The following MRPL42 variants were observed in gnomAD, a reference collection of about 807,000 sequenced individuals.
MRPL42 encodes mitochondrial ribosomal protein L42, also known as large ribosomal subunit protein mL42.
A neutral mutation model predicts 17.9 loss-of-function variants in MRPL42; 17 were observed. That is an observed-to-expected ratio of 0.95 (90% CI 0.65 to 1.42). The LOEUF is 1.42. MRPL42 is among the 40% of genes most tolerant of loss of function. The pLI is 0.00. For synonymous variants in MRPL42, 59 were observed against 54.4 expected (o/e 1.08, Z -0.37); for missense variants, 177 against 175.2 (o/e 1.01, Z -0.06).
chr12:93,506,758 G>A lies in MRPL42; in HGVS notation c.*5537G>A, dbSNP rs1208253583. On this transcript the variant is annotated 3_prime_UTR_variant, in exon 6 of 6. Transcript: ENST00000549982. ...GTCTCTTCTTCACTCATAATGCAAAGTACATTGGATTACTATTATGCCACT... is the reference window on the plus strand; with the variant it reads ...GTCTCTTCTTCACTCATAATGCAAAATACATTGGATTACTATTATGCCACT... 2 of 152,080 alleles carry A rather than the reference G, an allele frequency of 1.3e-5. 1 individual carries two copies. Among genetic ancestry groups the A allele is most frequent in the South Asian group, 4.1e-4 (2 of 4,820 alleles). The allele number at this position is 152,080 out of a possible 1,614,324, so 9.4% of individuals were successfully genotyped here. A position where few individuals can be genotyped will look rare whatever the true frequency, so the allele number is the denominator to read the frequency against.
Position 93,510,488 on chromosome 12 carries a change from T to G in MRPL42, c.*9267T>G, listed in dbSNP as rs1953715995. On this transcript the variant is annotated 3_prime_UTR_variant, in exon 6 of 6. Coordinates refer to ENST00000549982, the MANE Select transcript of MRPL42 (RefSeq NM_014050.4). ...AGAGCACAATTGTTGGATTGAATGC[T>G]AAGAGAATGTTTCGTTTTGTAAAAA... 6.6e-6 allele frequency: 1 copy of G among 152,230 alleles called. No individual in the cohort carries two copies. The highest frequency in any genetic ancestry group is 2.4e-5 in the African/African-American group (1 of 41,462). The allele number at this position is 152,230 out of a possible 1,614,324, so 9.4% of individuals were successfully genotyped here.
At chr12:93,473,918 C>T (rs1880031698) in intron 2 of MRPL42, among the ~76,000 whole-genome samples, 1 of 152,186 alleles carries the variant, frequency 6.6e-6, no homozygotes, top group Middle Eastern at 3.4e-3. Context: ...AGAGGCAGTT[C>T]GGCAATCACT....
chr12:93,471,196 A>G lies in MRPL42; in HGVS notation c.70+1841A>G, dbSNP rs150867900. Among the ~76,000 whole-genome samples, 305 of 152,116 alleles carry G rather than the reference A, an allele frequency of 2.0e-3. 4 individuals are homozygous for G. The highest frequency in any genetic ancestry group is 4.4e-3 in the Admixed American group (67 of 15,272). On this transcript the variant is annotated intron_variant, in intron 2 of 5. Coordinates refer to ENST00000549982, the MANE Select transcript of MRPL42 (RefSeq NM_014050.4). The stretch of plus-strand genomic sequence containing the variant: ...ATTTTATTTTATTTTTTGAGACTGG[A>G]TCTTGCTCCCAGGCTGGAGTGCAGA...
At chr12:93,495,421 A>T (rs1478156669) in intron 5 of MRPL42, among the ~76,000 whole-genome samples, 1 of 151,944 alleles carries the variant, frequency 6.6e-6, no homozygotes, top group Non-Finnish European at 1.5e-5. Flanking sequence ...TTTTTTGGAG[A>T]GATAGGGTTT....
rs1014120956 is a variant in MRPL42 at position 93,482,225 on chromosome 12, A to G, written c.219+2753A>G. On this transcript the variant is annotated intron_variant, in intron 4 of 5. Transcript: ENST00000549982. ...ACTTCATAGTTTACTCTCTTTCCTT[A>G]AGGTCTTTTTCCTTATTTGTTATCT... Among the ~76,000 whole-genome samples, 6 of 151,960 alleles carry G rather than the reference A, an allele frequency of 3.9e-5. 1 individual carries two copies. The highest frequency in any genetic ancestry group is 1.3e-4 in the Admixed American group (2 of 15,244).
chr12:93,493,951 T>C (rs1302705756), intron 5 of MRPL42, among the ~76,000 whole-genome samples: 1 of 69,556 alleles, frequency 1.4e-5, no homozygotes. Context: ...CTGAAGGAAG[T>C]AAGAGAGCTA....
intron 4 of MRPL42, among the ~76,000 whole-genome samples, chr12:93,480,245 C>T (rs978244525): frequency 1.3e-4 from 19 of 151,982 alleles, no homozygotes; most frequent in Admixed American, 1.0e-3. Flanking sequence ...CTCAGCCTCC[C>T]GAGTACCTGG....
Position 93,503,071 on chromosome 12 carries a change from T to G in MRPL42, c.*1850T>G, listed in dbSNP as rs564948838. 1 of 152,242 alleles carries G rather than the reference T, an allele frequency of 6.6e-6. No homozygotes were observed. The highest frequency in any genetic ancestry group is 1.5e-5 in the Non-Finnish European group (1 of 68,046). 9.4% of individuals were successfully genotyped at this position (152,242 alleles called of 1,614,324 possible). A position where few individuals can be genotyped will look rare whatever the true frequency, so the allele number is the denominator to read the frequency against. ...CTGTTATCCACCATCAGTAACATTTTATGAAAGATCTACTTATTTGTCTGT... is the reference window on the plus strand; with the variant it reads ...CTGTTATCCACCATCAGTAACATTTGATGAAAGATCTACTTATTTGTCTGT... On this transcript the variant is annotated 3_prime_UTR_variant, in exon 6 of 6. Coordinates refer to ENST00000549982, the MANE Select transcript of MRPL42 (RefSeq NM_014050.4).
chr12:93,470,939 C>A (rs1383199282), intron 2 of MRPL42, among the ~76,000 whole-genome samples: 1 of 152,188 alleles, frequency 6.6e-6, no homozygotes, highest in African/African-American at 2.4e-5. Flanking sequence ...TTTTTAAATA[C>A]AACTCTGCTT....
rs1953688786 is a variant in MRPL42 at position 93,507,996 on chromosome 12, G to C, written c.*6775G>C. On this transcript the variant is annotated 3_prime_UTR_variant, in exon 6 of 6. Coordinates refer to ENST00000549982, the MANE Select transcript of MRPL42 (RefSeq NM_014050.4). ...AGTTTCGCCCTTGTTGCCCAGGCTG[G>C]AGTGCAATGGCGCAATCTCAGCCCA... 6.5e-6 allele frequency: 1 copy of C among 152,728 alleles called. No individual in the cohort carries two copies. The highest frequency in any genetic ancestry group is 1.5e-5 in the Non-Finnish European group (1 of 68,470). 9.5% of individuals were successfully genotyped at this position (152,728 alleles called of 1,614,324 possible). A position where few individuals can be genotyped will look rare whatever the true frequency, so the allele number is the denominator to read the frequency against.
At chr12:93,480,246 G>T (rs928273033) in intron 4 of MRPL42, among the ~76,000 whole-genome samples, 46 of 149,058 alleles carry the variant, frequency 3.1e-4, no homozygotes, top group African/African-American at 1.1e-3. Flanking sequence ...TCAGCCTCCC[G>T]AGTACCTGGG....
rs1953622720 is a variant in MRPL42, at chr12:93,503,368, A to G, written c.*2147A>G. The G allele has an allele frequency of 2.1e-5, 3 of 143,678 alleles. No homozygotes were observed. The highest frequency in any genetic ancestry group is 1.5e-4 in the Admixed American group (2 of 13,712). 8.9% of individuals were successfully genotyped at this position (143,678 alleles called of 1,614,324 possible). A position where few individuals can be genotyped will look rare whatever the true frequency, so the allele number is the denominator to read the frequency against. On this transcript the variant is annotated 3_prime_UTR_variant, in exon 6 of 6. Transcript: ENST00000549982. ...AGTGCTGGAATATTCTGAGTAGACC[A>G]ATAGCAAAAACTGATTTTTTTTTTT...
chr12:93,491,416 A>G (rs1393587302), intron 5 of MRPL42, among the ~76,000 whole-genome samples: 2 of 152,108 alleles, frequency 1.3e-5, no homozygotes, highest in Non-Finnish European at 2.9e-5. Context: ...TCAGTTAAGT[A>G]TCTGTAGAAA....
At chr12:93,500,122 A>G (rs982533715) in intron 5 of MRPL42, among the ~76,000 whole-genome samples, 3 of 152,172 alleles carry the variant, frequency 2.0e-5, no homozygotes, top group Non-Finnish European at 4.4e-5. Context: ...AATGCATTTC[A>G]TTTCTCTATA....
rs1592772216 is a variant in MRPL42 at position 93,480,461 on chromosome 12, A to T, written c.219+989A>T. Among the ~76,000 whole-genome samples the T allele has an allele frequency of 2.0e-5, 3 of 151,490 alleles. 1 individual carries two copies. In the South Asian group the frequency reaches 6.3e-4, roughly 32 times the overall value. ...AGGAGAAAATTAGATGGTTTAAGTCATCACATGATGTATTTAGTGGTACTT... is the reference window on the plus strand; with the variant it reads ...AGGAGAAAATTAGATGGTTTAAGTCTTCACATGATGTATTTAGTGGTACTT... On this transcript the variant is annotated intron_variant, in intron 4 of 5. Transcript: ENST00000549982.
rs1953734045 is a variant in MRPL42, at chr12:93,512,486, A to G, written c.*11265A>G. On this transcript the variant is annotated 3_prime_UTR_variant, in exon 6 of 6. Transcript: ENST00000549982. ...ATAATAAAATGAAATAAAGATATAA[A>G]TTGGCCAGCTAGAGTTACCTGAAGT... The G allele has an allele frequency of 6.6e-6, 1 of 152,474 alleles. No individual in the cohort carries two copies. The highest frequency in any genetic ancestry group is 1.5e-5 in the Non-Finnish European group (1 of 68,048). The allele number at this position is 152,474 out of a possible 1,614,324, so 9.4% of individuals were successfully genotyped here.
At chr12:93,477,718 A>G (rs1358779917) in intron 3 of MRPL42, among the ~76,000 whole-genome samples, 4 of 152,096 alleles carry the variant, frequency 2.6e-5, no homozygotes, top group African/African-American at 9.7e-5. Flanking sequence ...GCTGGAGAGC[A>G]GTGGTGTGAT....
Position 93,476,175 on chromosome 12 carries a change from A to G in MRPL42, c.71-779A>G, listed in dbSNP as rs536243852. On this transcript the variant is annotated intron_variant, in intron 2 of 5. Coordinates refer to ENST00000549982, the MANE Select transcript of MRPL42 (RefSeq NM_014050.4). ...CCTTTATAAACTATGCACCTTGGAA[A>G]ACCCAAATACTTTATTTTTATTTAT... is the stretch of plus-strand genomic sequence containing the variant. Among the ~76,000 whole-genome samples, 11 of 152,114 alleles carry G rather than the reference A, an allele frequency of 7.2e-5. No individual in the cohort carries two copies. The East Asian group carries it at 2.1e-3, about 29-fold the overall frequency.
At chr12:93,470,001 T>C (rs1243722337) in intron 2 of MRPL42, among the ~76,000 whole-genome samples, 1 of 151,392 alleles carries the variant, frequency 6.6e-6, no homozygotes, top group Non-Finnish European at 1.5e-5. Context: ...TTTAACGGAG[T>C]CTGGCTCTGT....
Sources: allele counts gnomAD v4.1 joint callset (sites outside exome capture counted in the v4.1 genomes callset), GRCh38; gene constraint gnomAD v4.1.1; transcripts MANE v1.5; gene names NCBI Gene and HGNC (gene_info 2026-07-23, HGNC 2026-07-21).